Variants in FMN1 observed in about 807,000 individuals in gnomAD.
FMN1 encodes formin 1.
Under a neutral mutation model 132.4 loss-of-function variants are expected in FMN1, and 110 were observed. The ratio of observed to expected loss-of-function variants is 0.83; its 90% CI spans 0.71 to 0.97. FMN1 has a LOEUF of 0.97. FMN1 is among the 50% of genes least tolerant of loss of function. FMN1 has a pLI of 0.00. For synonymous variants in FMN1, 722 were observed against 651.7 expected (o/e 1.11, Z -1.64); for missense variants, 1,792 against 1,705.3 (o/e 1.05, Z -0.90).
chr15:33,168,526 C>A (rs1285131280), intron 3 of FMN1, among the ~76,000 whole-genome samples: 1 of 152,204 alleles, frequency 6.6e-6, no homozygotes, highest in Non-Finnish European at 1.5e-5. Context: ...ACTTGTCCCA[C>A]AATACCCCAG....
At chr15:32,863,201 T>C (rs1202242992) in intron 16 of FMN1, among the ~76,000 whole-genome samples, 1 of 152,180 alleles carries the variant, frequency 6.6e-6, no homozygotes, top group Non-Finnish European at 1.5e-5. Flanking sequence ...CCCAGCACTT[T>C]GGGAGGCCGA....
intron 10 of FMN1, among the ~76,000 whole-genome samples, chr15:32,924,862 C>T (rs1349350007): frequency 6.6e-6 from 1 of 152,056 alleles, no homozygotes; most frequent in African/African-American, 2.4e-5. Flanking sequence ...TGCGGTGAGC[C>T]GAGATCACGC....
intron 2 of FMN1, among the ~76,000 whole-genome samples, chr15:33,190,088 T>C (rs191427028): frequency 2.0e-4 from 31 of 152,292 alleles, no homozygotes; most frequent in Admixed American, 5.9e-4. Flanking sequence ...CAATGTTTGC[T>C]CAGTTGTAAT....
At chr15:33,110,216 C>T (rs1409369971) in intron 4 of FMN1, among the ~76,000 whole-genome samples, 1 of 151,922 alleles carries the variant, frequency 6.6e-6, no homozygotes, top group Admixed American at 6.6e-5. Context: ...CACTAAAAAA[C>T]CATAAGCAAG....
chr15:32,811,409 T>C (rs925563345), intron 17 of FMN1, among the ~76,000 whole-genome samples: 3 of 152,108 alleles, frequency 2.0e-5, no homozygotes, highest in African/African-American at 7.2e-5. Flanking sequence ...GTTCCTAGTG[T>C]AGGGTGTAGG....
chr15:32,965,224 C>T (rs1181564271), intron 8 of FMN1, among the ~76,000 whole-genome samples: 1 of 151,962 alleles, frequency 6.6e-6, no homozygotes, highest in Non-Finnish European at 1.5e-5. Flanking sequence ...ATGGTGAAAC[C>T]CCATCTCTAC....
chr15:32,779,273 T>G (rs1305052784), intron 19 of FMN1, among the ~76,000 whole-genome samples: 1 of 148,138 alleles, frequency 6.8e-6, no homozygotes, highest in African/African-American at 2.5e-5. Flanking sequence ...GATACTAATG[T>G]GTATGGAATT....
chr15:33,072,060 T>C (rs1280529836), intron 5 of FMN1, among the ~76,000 whole-genome samples: 2 of 152,108 alleles, frequency 1.3e-5, no homozygotes, highest in African/African-American at 4.8e-5. Context: ...TGTGCAAAAA[T>C]GATCTTCACC....
At chr15:32,946,959 G>A (rs967595840) in intron 9 of FMN1, among the ~76,000 whole-genome samples, 7 of 152,048 alleles carry the variant, frequency 4.6e-5, no homozygotes, top group Non-Finnish European at 8.8e-5. Flanking sequence ...AATTCTTATT[G>A]AGCTATATGT....
At chr15:32,804,243 G>T in intron 18 of FMN1, 38 bp downstream of exon 18, 2 of 1,456,696 alleles carry the variant, frequency 1.4e-6, no homozygotes, top group Non-Finnish European at 1.9e-6. Flanking sequence ...AGAATGGCTA[G>T]TCAAAGAAAG....
intron 4 of FMN1, among the ~76,000 whole-genome samples, chr15:33,099,088 GAAACCCCATCTACA>G (rs1325658838): frequency 2.6e-5 from 4 of 152,162 alleles, no homozygotes; most frequent in South Asian, 4.2e-4. Context: ...GCAACATGGT[GAAACCCCATCTACA>G]AAACTCCATC....
At chr15:33,172,578 GAC>G (rs1296621771) in intron 3 of FMN1, among the ~76,000 whole-genome samples, 2 of 152,194 alleles carry the variant, frequency 1.3e-5, no homozygotes, top group Non-Finnish European at 2.9e-5. Context: ...TATGTGGTTT[GAC>G]ACAGAGTTGG....
At chr15:33,031,933 T>C (rs909857977) in intron 6 of FMN1, among the ~76,000 whole-genome samples, 3 of 152,182 alleles carry the variant, frequency 2.0e-5, no homozygotes, top group African/African-American at 7.2e-5. Context: ...GTTTCCAAAA[T>C]GTTTTCACAT....
intron 6 of FMN1, 102 bp from the exon 7 acceptor site, chr15:33,008,177 C>T (rs1161777117): frequency 1.0e-5 from 9 of 866,300 alleles, no homozygotes; most frequent in Non-Finnish European, 1.5e-5. Context: ...ATAAATGCCA[C>T]AATTTGACAT....
chr15:33,023,059 CA>C (rs758459713), intron 6 of FMN1, among the ~76,000 whole-genome samples: 159 of 53,192 alleles, frequency 3.0e-3, no homozygotes, highest in African/African-American at 8.8e-3. Context: ...CTCCCCCACC[CA>C]AAAAAAAAAA....
chr15:32,847,673 T>G (rs1170103621), intron 17 of FMN1, among the ~76,000 whole-genome samples: 1 of 152,140 alleles, frequency 6.6e-6, no homozygotes, highest in East Asian at 1.9e-4. Flanking sequence ...GCTAACGCAG[T>G]GAAACCCCGT....
At chr15:32,997,260 A>C (rs1367672139) in intron 7 of FMN1, among the ~76,000 whole-genome samples, 2 of 152,054 alleles carry the variant, frequency 1.3e-5, no homozygotes, top group Non-Finnish European at 2.9e-5. Context: ...TTCTGAAACC[A>C]GTGAAATAAA....
At chr15:32,801,254 T>G (rs2057467583) in intron 18 of FMN1, among the ~76,000 whole-genome samples, 1 of 152,224 alleles carries the variant, frequency 6.6e-6, no homozygotes, top group South Asian at 2.1e-4. Context: ...CCTCCTTGCC[T>G]CTCTCCCTGG....
intron 6 of FMN1, chr15:33,064,031 C>G (rs183653506): frequency 5.3e-5 from 8 of 152,298 alleles, no homozygotes; most frequent in East Asian, 3.9e-4. Flanking sequence ...TAGAAATCAT[C>G]TCAAGATTCA....
Sources: allele counts gnomAD v4.1 joint callset (sites outside exome capture counted in the v4.1 genomes callset), GRCh38; gene constraint gnomAD v4.1.1; transcripts MANE v1.5; gene names NCBI Gene and HGNC (gene_info 2026-07-23, HGNC 2026-07-21).